The following LMNB1 variants were observed in gnomAD, a reference collection of about 807,000 sequenced individuals.
LMNB1 encodes the protein lamin-B1.
A neutral mutation model predicts 67.1 loss-of-function variants in LMNB1; 23 were observed. The ratio of observed to expected loss-of-function variants is 0.34; its 90% CI spans 0.25 to 0.49. The LOEUF (loss-of-function observed/expected upper bound fraction) is 0.49. LMNB1 is among the 20% of genes least tolerant of loss of function. The pLI is 0.99. For missense variants in LMNB1, 634 were observed against 746.5 expected (o/e 0.85, Z 1.76); for synonymous variants, 281 against 282.9 (o/e 0.99, Z 0.07).
intron 5 of LMNB1, chr5:126,815,273 A>G (rs1751680447): frequency 1.3e-5 from 2 of 152,140 alleles, no homozygotes; most frequent in Non-Finnish European, 2.9e-5. Context: ...CTTAAATTTT[A>G]CTTAAAATTG....
At chr5:126,796,451 G>A (rs898138217) in intron 1 of LMNB1, among the ~76,000 whole-genome samples, 1 of 152,178 alleles carries the variant, frequency 6.6e-6, no homozygotes, top group African/African-American at 2.4e-5. Context: ...CAATGCAGAA[G>A]CCAGGGTTGG....
At chr5:126,796,880 C>T (rs1751110228) in intron 1 of LMNB1, among the ~76,000 whole-genome samples, 1 of 150,816 alleles carries the variant, frequency 6.6e-6, no homozygotes, top group Non-Finnish European at 1.5e-5. Flanking sequence ...CTCCACACCC[C>T]CAGATTCAAG....
chr5:126,782,910 A>G (rs1001774948), intron 1 of LMNB1, among the ~76,000 whole-genome samples: 1 of 151,970 alleles, frequency 6.6e-6, no homozygotes, highest in Admixed American at 6.6e-5. Context: ...ATTGAAAAAC[A>G]AAAACCTTTG....
intron 3 of LMNB1, among the ~76,000 whole-genome samples, chr5:126,808,886 T>G (rs1751519329): frequency 6.6e-6 from 1 of 152,078 alleles, no homozygotes; most frequent in Admixed American, 6.5e-5. Flanking sequence ...TATTATTTTT[T>G]TTTTTTTGAG....
Position 126,820,924 on chromosome 5 carries a change from C to T in LMNB1, c.1175C>T (p.Pro392Leu). 1 of 1,613,522 alleles carries T rather than the reference C, an allele frequency of 6.2e-7. No individual in the cohort carries two copies. The highest frequency in any genetic ancestry group is 8.5e-7 in the Non-Finnish European group (1 of 1,179,652). ...EGEEERLKLS[P>L]SPSSRVTVSR... ...TTCCCATATAGGTTGAAGCTGTCTC[C>T]AAGCCCTTCTTCCCGTGTGACAGTA... Residue 392 changes from proline to leucine, a missense_variant, in exon 7 of 11, where the codon CCA becomes CTA. Physicochemically the swap from Pro to Leu is moderately conservative, Grantham distance 98. Transcript: ENST00000261366.
chr5:126,795,142 T>TTTTTTTTTTTTTTTTTA (rs1294032011), intron 1 of LMNB1, among the ~76,000 whole-genome samples: 3 of 150,732 alleles, frequency 2.0e-5, no homozygotes, highest in Non-Finnish European at 4.4e-5. Flanking sequence ...TTTTTTTTTT[T>TTTTTTTTTTTTTTTTTA]TTTAAATAAG....
At chr5:126,803,193 A>AG (rs1751331870) in intron 1 of LMNB1, among the ~76,000 whole-genome samples, 1 of 151,748 alleles carries the variant, frequency 6.6e-6, no homozygotes, top group Non-Finnish European at 1.5e-5. Context: ...CAAAAAAAAA[A>AG]AAAAGTGATA....
intron 5 of LMNB1, among the ~76,000 whole-genome samples, chr5:126,814,816 A>C (rs982188614): frequency 3.9e-5 from 6 of 152,158 alleles, no homozygotes; most frequent in Non-Finnish European, 7.4e-5. Context: ...AAGGGATTAC[A>C]GGCGTGAGCT....
rs11430160 is a variant in LMNB1 at position 126,812,718 on chromosome 5, C to CTTTTTTTTTT, written c.939+835_939+844dup. Among the ~76,000 whole-genome samples the CTTTTTTTTTT allele has an allele frequency of 5.2e-3, 609 of 117,156 alleles. 1 individual carries two copies. The highest frequency in any genetic ancestry group is 0.019 in the Middle Eastern group (4 of 210). The allele number at this position is 117,156 out of a possible 152,430, so 76.9% of individuals were successfully genotyped here. ...CCACATGAGAATAAACTTTATTTTA[C>CTTTTTTTTTT]TTTTTTTTTTTTTTTTTTTTTTTTC... On this transcript the variant is annotated intron_variant, in intron 5 of 10. Coordinates refer to ENST00000261366, the MANE Select transcript of LMNB1 (RefSeq NM_005573.4).
At position 126,804,475 on chromosome 5, in the gene LMNB1, G is replaced by A. The variant is rs149734125; in HGVS notation, c.360-301G>A. Among the ~76,000 whole-genome samples the A allele has an allele frequency of 1.3e-4, 20 of 152,202 alleles. No homozygotes were observed. The East Asian group carries it at 3.5e-3, about 26-fold the overall frequency. On this transcript the variant is annotated intron_variant, in intron 1 of 10. Transcript: ENST00000261366. ...TTCTTCAAAAATATCCTGTGTTAGT[G>A]TGCCTCTTTATAGAACAAGGGGGAC...
chr5:126,787,020 A>G (rs1418736336), intron 1 of LMNB1, among the ~76,000 whole-genome samples: 2 of 152,150 alleles, frequency 1.3e-5, no homozygotes, highest in Non-Finnish European at 2.9e-5. Context: ...TTCATTCTTT[A>G]TTCAAGACAC....
intron 1 of LMNB1, among the ~76,000 whole-genome samples, chr5:126,801,018 C>G (rs1325273479): frequency 4.3e-5 from 4 of 93,562 alleles, no homozygotes; most frequent in African/African-American, 1.6e-4. Flanking sequence ...GGGTCTCACT[C>G]TCTCACCAAG....
chr5:126,811,947 C>G, intron 5 of LMNB1, 49 bp downstream of exon 5: 1 of 1,569,830 alleles, frequency 6.4e-7, no homozygotes, highest in East Asian at 2.3e-5. Flanking sequence ...GCTACCTTCA[C>G]CACGGGCACC....
At chr5:126,796,786 C>CTTTTTTTTTTTTTTTTTTT (rs34534973) in intron 1 of LMNB1, among the ~76,000 whole-genome samples, 1 of 118,748 alleles carries the variant, frequency 8.4e-6, no homozygotes, top group African/African-American at 3.1e-5. Context: ...TTTTTTCTTT[C>CTTTTTTTTTTTTTTTTTTT]TTTTTTTTTT....
intron 8 of LMNB1, among the ~76,000 whole-genome samples, chr5:126,823,530 T>C (rs944623255): frequency 2.0e-5 from 3 of 152,236 alleles, no homozygotes; most frequent in African/African-American, 7.2e-5. Flanking sequence ...TAGGTAGATT[T>C]AGCTAACAAT....
intron 1 of LMNB1, among the ~76,000 whole-genome samples, chr5:126,797,328 A>T (rs2112943365): frequency 6.6e-6 from 1 of 152,286 alleles, no homozygotes; most frequent in East Asian, 1.9e-4. Context: ...TATTTTCAGG[A>T]GCGTGTATAT....
At chr5:126,776,819 C>A (rs539630607), upstream of LMNB1, 7 of 152,292 alleles carry the variant, frequency 4.6e-5, no homozygotes, top group African/African-American at 1.7e-4. Flanking sequence ...CGCGGGGCGG[C>A]GGGAGGGCCC....
At chr5:126,822,250 A>G (rs1005138743) in intron 7 of LMNB1, among the ~76,000 whole-genome samples, 4 of 152,128 alleles carry the variant, frequency 2.6e-5, no homozygotes, top group Admixed American at 2.6e-4. Context: ...TTGGCCTCCT[A>G]AAGTGCTGGG....
chr5:126,804,729 A>C, intron 1 of LMNB1, 47 bp from the exon 2 acceptor site: 1 of 1,557,908 alleles, frequency 6.4e-7, no homozygotes. Flanking sequence ...GAAGACCTCA[A>C]GTCATCAGTA....
Sources: allele counts gnomAD v4.1 joint callset (sites outside exome capture counted in the v4.1 genomes callset), GRCh38; gene constraint gnomAD v4.1.1; transcripts MANE v1.5; gene names NCBI Gene and HGNC (gene_info 2026-07-23, HGNC 2026-07-21).